VAT1L: variants seen among roughly 807,000 people sequenced by gnomAD.
VAT1L encodes putative NADPH-dependent quinone oxidoreductase VAT1L.
VAT1L carries 34 observed loss-of-function variants against 44.1 expected under a neutral mutation model. That is an observed-to-expected ratio of 0.77 (90% confidence interval 0.59 to 1.03). The LOEUF (loss-of-function observed/expected upper bound fraction) is 1.03. VAT1L is among the 50% of genes least tolerant of loss of function. VAT1L has a pLI of 0.00. For synonymous variants in VAT1L, 253 were observed against 202.2 expected (o/e 1.25, Z -2.13); for missense variants, 615 against 538.8 (o/e 1.14, Z -1.40).
intron 1 of VAT1L, among the ~76,000 whole-genome samples, chr16:77,804,274 C>T (rs1004373622): frequency 2.0e-5 from 3 of 152,284 alleles, no homozygotes; most frequent in Admixed American, 6.5e-5. Context: ...GAATAAATAC[C>T]TCCTGCTGTG....
intron 7 of VAT1L, among the ~76,000 whole-genome samples, chr16:77,900,551 T>C (rs62042178): frequency 0.23 from 34,086 of 151,492 alleles, 3,896 homozygotes; most frequent in South Asian, 0.26. Context: ...AAAAATTAGC[T>C]GGGCGTGGTG....
chr16:77,921,086 C>T (rs1007211173), intron 7 of VAT1L, among the ~76,000 whole-genome samples: 12 of 152,276 alleles, frequency 7.9e-5, no homozygotes, highest in East Asian at 1.9e-4. Context: ...TTCATTGCCT[C>T]GAAGGGCTAC....
In VAT1L at chr16:77,929,459, G is replaced by T. The variant is rs1597103971; in HGVS notation, c.1078-42391G>T. Among the ~76,000 whole-genome samples, 4 of 152,236 alleles carry T rather than the reference G, an allele frequency of 2.6e-5. No individual in the cohort carries two copies. The Middle Eastern group carries it at 0.014, about 518-fold the overall frequency. Reference sequence around the variant, plus strand: ...CAGTGTTTAATACTTCATAAATAAAGCCTTATTAGCAATTCTCAGCTCCAG... The same window carrying T: ...CAGTGTTTAATACTTCATAAATAAATCCTTATTAGCAATTCTCAGCTCCAG... On this transcript the variant is annotated intron_variant, in intron 7 of 8. Transcript: ENST00000302536.
At chr16:77,937,336 C>T (rs2017813969) in intron 7 of VAT1L, among the ~76,000 whole-genome samples, 1 of 152,220 alleles carries the variant, frequency 6.6e-6, no homozygotes, top group African/African-American at 2.4e-5. Flanking sequence ...CAGAGGTTAA[C>T]TCACAGTGAG....
intron 8 of VAT1L, among the ~76,000 whole-genome samples, chr16:77,975,737 G>C (rs1416214355): frequency 6.6e-6 from 1 of 152,218 alleles, no homozygotes; most frequent in Non-Finnish European, 1.5e-5. Flanking sequence ...CCAAAGCAAA[G>C]TCGAAACTCA....
intron 7 of VAT1L, among the ~76,000 whole-genome samples, chr16:77,888,811 C>T (rs893991715): frequency 3.9e-5 from 6 of 152,170 alleles, no homozygotes; most frequent in South Asian, 2.1e-4. Flanking sequence ...AAAGAAGCCA[C>T]GATGGCAAAG....
chr16:77,843,542 G>C (rs2016728429), intron 3 of VAT1L, among the ~76,000 whole-genome samples: 1 of 152,242 alleles, frequency 6.6e-6, no homozygotes, highest in South Asian at 2.1e-4. Context: ...CTGAAAGCCA[G>C]GATTTGAGTT....
intron 1 of VAT1L, among the ~76,000 whole-genome samples, chr16:77,793,796 A>T (rs73574820): frequency 0.018 from 2,757 of 152,324 alleles, 74 homozygotes; most frequent in African/African-American, 0.063. Context: ...AGGCCACATC[A>T]GAAGAAAGCT....
chr16:77,877,528 A>C (rs1277124144), intron 5 of VAT1L, among the ~76,000 whole-genome samples: 2 of 75,944 alleles, frequency 2.6e-5, no homozygotes, highest in African/African-American at 4.5e-5. Context: ...AAAAAAAAAA[A>C]AAAAAAAAAA....
chr16:77,858,050 G>A (rs1165711329), intron 3 of VAT1L, among the ~76,000 whole-genome samples: 2 of 152,148 alleles, frequency 1.3e-5, no homozygotes, highest in Admixed American at 6.6e-5. Context: ...AGTTTTACCA[G>A]ACATTTACTA....
chr16:77,886,596 T>C (rs913490038), intron 7 of VAT1L, among the ~76,000 whole-genome samples: 1 of 152,196 alleles, frequency 6.6e-6, no homozygotes, highest in Non-Finnish European at 1.5e-5. Context: ...ATGTGCCCAG[T>C]ACTGGGCAAA....
At chr16:77,792,248 G>T (rs183345249) in intron 1 of VAT1L, among the ~76,000 whole-genome samples, 155 of 152,210 alleles carry the variant, frequency 1.0e-3, no homozygotes, top group South Asian at 1.9e-3. Context: ...CAACTTGGAG[G>T]CCATCATTTT....
At chr16:77,809,405 A>T (rs1242494932) in intron 1 of VAT1L, among the ~76,000 whole-genome samples, 1 of 152,162 alleles carries the variant, frequency 6.6e-6, no homozygotes, top group Non-Finnish European at 1.5e-5. Context: ...TGCCTCCAAC[A>T]GTCACAAAGC....
chr16:77,947,341 C>T (rs756112022), intron 7 of VAT1L, among the ~76,000 whole-genome samples: 11 of 152,068 alleles, frequency 7.2e-5, no homozygotes, highest in Non-Finnish European at 1.6e-4. Context: ...CTCTTTTCAC[C>T]CTTTGGGGAA....
At chr16:77,961,997 A>G (rs553518360) in intron 7 of VAT1L, among the ~76,000 whole-genome samples, 3 of 152,310 alleles carry the variant, frequency 2.0e-5, no homozygotes, top group African/African-American at 7.2e-5. Flanking sequence ...TGTCTAGAGT[A>G]TCATAGTCCT....
rs1168371703 is a variant in VAT1L at position 77,875,551 on chromosome 16, A to G, written c.723-819A>G. On this transcript the variant is annotated intron_variant, in intron 4 of 8. Coordinates refer to ENST00000302536, the MANE Select transcript of VAT1L (RefSeq NM_020927.3). ...CCTGTTCTACAGCCCCCTCCTGTAT[A>G]TGTTCTAAGAGTGGGAGCCCAGTAA... Among the ~76,000 whole-genome samples the G allele has an allele frequency of 2.0e-5, 3 of 152,302 alleles. No individual in the cohort carries two copies. The East Asian group carries it at 5.8e-4, about 29-fold the overall frequency.
intron 2 of VAT1L, among the ~76,000 whole-genome samples, chr16:77,824,733 G>C (rs961301903): frequency 6.9e-6 from 1 of 145,534 alleles, no homozygotes; most frequent in African/African-American, 2.5e-5. Flanking sequence ...TCCAGCCTGG[G>C]TGACAGAGCG....
intron 1 of VAT1L, among the ~76,000 whole-genome samples, chr16:77,805,645 A>G (rs1226410627): frequency 6.6e-6 from 1 of 151,160 alleles, no homozygotes; most frequent in Non-Finnish European, 1.5e-5. Flanking sequence ...AGGACTGGTT[A>G]AAGTTCCGAG....
At chr16:77,819,875 A>T (rs1356948259) in intron 2 of VAT1L, among the ~76,000 whole-genome samples, 4 of 152,216 alleles carry the variant, frequency 2.6e-5, no homozygotes, top group Non-Finnish European at 5.9e-5. Context: ...GTCAGGAACC[A>T]ATCTGTTCTT....
Sources: gnomAD v4.1 joint callset for allele counts (sites outside exome capture counted in the v4.1 genomes callset) on GRCh38, gnomAD v4.1.1 for gene constraint, MANE v1.5 for transcripts, NCBI Gene and HGNC (gene_info 2026-07-23, HGNC 2026-07-21) for gene names.